The following UBE2E2 variants were observed in gnomAD, a reference collection of about 807,000 sequenced individuals.
UBE2E2 encodes the protein ubiquitin-conjugating enzyme E2 E2.
Under a neutral mutation model 24.7 loss-of-function variants are expected in UBE2E2, and 6 were observed. The observed-to-expected ratio is 0.24, with a 90% CI of 0.13 to 0.48. The LOEUF (loss-of-function observed/expected upper bound fraction) is 0.48. Among genes scored for constraint, UBE2E2 ranks in the 20% least tolerant of loss-of-function variants. The probability of loss-of-function intolerance (pLI) is 0.99; values close to 1 mark genes in which losing one functional copy is unlikely to be tolerated. For synonymous variants in UBE2E2, 104 were observed against 83.6 expected (o/e 1.24, Z -1.33); for missense variants, 169 against 245.0 (o/e 0.69, Z 2.07).
chr3:23,461,641 C>G (rs1410031799), intron 3 of UBE2E2, among the ~76,000 whole-genome samples: 2 of 151,658 alleles, frequency 1.3e-5, no homozygotes, highest in Non-Finnish European at 2.9e-5. Context: ...ATAAAATATC[C>G]TGAGTTGCAT....
At chr3:23,319,136 T>G (rs17012998) in intron 3 of UBE2E2, among the ~76,000 whole-genome samples, 4,386 of 152,326 alleles carry the variant, frequency 0.029, 111 homozygotes, top group East Asian at 0.13. Flanking sequence ...TAAGCCAAAT[T>G]TGTATTGTAG....
At chr3:23,410,448 C>T (rs1697469663) in intron 3 of UBE2E2, among the ~76,000 whole-genome samples, 1 of 152,118 alleles carries the variant, frequency 6.6e-6, no homozygotes, top group African/African-American at 2.4e-5. Flanking sequence ...TGAGAGAGAA[C>T]TTAGCTGTAA....
intron 5 of UBE2E2, among the ~76,000 whole-genome samples, chr3:23,568,957 G>A (rs1696157872): frequency 6.6e-6 from 1 of 151,666 alleles, no homozygotes; most frequent in Non-Finnish European, 1.5e-5. Flanking sequence ...AGAGTTATAA[G>A]ACCAAGCAAT....
chr3:23,351,437 G>A (rs1299201179), intron 3 of UBE2E2, among the ~76,000 whole-genome samples: 1 of 152,130 alleles, frequency 6.6e-6, no homozygotes, highest in Non-Finnish European at 1.5e-5. Context: ...AAGACAGACT[G>A]GCAAATTGGA....
intron 3 of UBE2E2, among the ~76,000 whole-genome samples, chr3:23,490,744 A>C (rs1699478103): frequency 6.6e-6 from 1 of 152,074 alleles, no homozygotes; most frequent in South Asian, 2.1e-4. Context: ...AGTAGTAGTT[A>C]TTTTTTCATT....
At chr3:23,550,047 A>G (rs1366625841) in intron 5 of UBE2E2, among the ~76,000 whole-genome samples, 22 of 151,822 alleles carry the variant, frequency 1.4e-4, no homozygotes, top group Non-Finnish European at 2.6e-4. Context: ...AAAAAAAAAA[A>G]GCAATTTCAT....
chr3:23,239,351 A>G (rs1009069713), intron 3 of UBE2E2, among the ~76,000 whole-genome samples: 5 of 152,204 alleles, frequency 3.3e-5, no homozygotes, highest in African/African-American at 9.6e-5. Flanking sequence ...TGTACTCACA[A>G]CGTTGTGCAA....
intron 5 of UBE2E2, among the ~76,000 whole-genome samples, chr3:23,539,575 T>C (rs1257942727): frequency 6.6e-6 from 1 of 152,230 alleles, no homozygotes; most frequent in Admixed American, 6.5e-5. Flanking sequence ...GTTTCCTTAC[T>C]TCTAACGCAG....
At chr3:23,497,848 A>G (rs924843999) in intron 3 of UBE2E2, among the ~76,000 whole-genome samples, 4 of 152,164 alleles carry the variant, frequency 2.6e-5, no homozygotes, top group Non-Finnish European at 4.4e-5. Flanking sequence ...TCAACTGTAT[A>G]TTCAACTTAA....
chr3:23,273,446 G>GTGTGAACCCAGGAGGTGGA (rs984101342), intron 3 of UBE2E2, among the ~76,000 whole-genome samples: 1 of 151,904 alleles, frequency 6.6e-6, no homozygotes, highest in African/African-American at 2.4e-5. Flanking sequence ...CAGGAGAATG[G>GTGTGAACCCAGGAGGTGGA]TGTGAACCCA....
At chr3:23,311,994 C>T (rs2125278123) in intron 3 of UBE2E2, among the ~76,000 whole-genome samples, 2 of 152,242 alleles carry the variant, frequency 1.3e-5, no homozygotes, top group East Asian at 3.9e-4. Flanking sequence ...GGAGTGGTTT[C>T]TCATGAATGG....
rs1694661811 is a variant in UBE2E2 at position 23,513,704 on chromosome 3, C to T, written c.360+13964C>T. ...GCACACCTGCCTCTTTTCCTACATC[C>T]TTATCAGTGCTGTGTGACATCAAAT... On this transcript the variant is annotated intron_variant, in intron 4 of 5. Coordinates refer to ENST00000396703, the MANE Select transcript of UBE2E2 (RefSeq NM_152653.4). Among the ~76,000 whole-genome samples the T allele has an allele frequency of 2.6e-5, 4 of 152,162 alleles. No individual in the cohort carries two copies. In the South Asian group the frequency reaches 8.3e-4, roughly 32 times the overall value.
intron 3 of UBE2E2, among the ~76,000 whole-genome samples, chr3:23,261,025 C>G (rs1290290223): frequency 6.6e-6 from 1 of 152,106 alleles, no homozygotes; most frequent in Non-Finnish European, 1.5e-5. Context: ...ATCTCTTGAG[C>G]CCAGGAGGCC....
intron 3 of UBE2E2, among the ~76,000 whole-genome samples, chr3:23,302,932 A>C (rs552406379): frequency 6.6e-6 from 1 of 152,302 alleles, no homozygotes; most frequent in Non-Finnish European, 1.5e-5. Flanking sequence ...ACAATGAAAC[A>C]CATAAACCAG....
At chr3:23,213,109 A>G (rs1696375225) in intron 2 of UBE2E2, among the ~76,000 whole-genome samples, 1 of 152,164 alleles carries the variant, frequency 6.6e-6, no homozygotes. Flanking sequence ...AAAGTTGTCT[A>G]GATGAGATGA....
chr3:23,234,117 G>A (rs1697037621), intron 3 of UBE2E2, among the ~76,000 whole-genome samples: 1 of 152,002 alleles, frequency 6.6e-6, no homozygotes, highest in Non-Finnish European at 1.5e-5. Context: ...TTACTTGGGT[G>A]TGGGTTGGTG....
intron 3 of UBE2E2, among the ~76,000 whole-genome samples, chr3:23,246,573 G>A (rs924443355): frequency 1.3e-5 from 2 of 151,574 alleles, no homozygotes; most frequent in African/African-American, 4.9e-5. Flanking sequence ...TGTAGAGATG[G>A]GGGCCTTTCC....
At chr3:23,496,004 C>G (rs1455867910) in intron 3 of UBE2E2, among the ~76,000 whole-genome samples, 8 of 152,252 alleles carry the variant, frequency 5.3e-5, no homozygotes, top group Admixed American at 3.9e-4. Context: ...TCCCATCTCC[C>G]CATTCCACCT....
At chr3:23,515,747 A>G (rs1307565768) in intron 4 of UBE2E2, among the ~76,000 whole-genome samples, 1 of 151,856 alleles carries the variant, frequency 6.6e-6, no homozygotes, top group Non-Finnish European at 1.5e-5. Flanking sequence ...GCTTGAGGCC[A>G]GAAGTTCACG....
Sources: gnomAD v4.1 joint callset for allele counts (sites outside exome capture counted in the v4.1 genomes callset) on GRCh38, gnomAD v4.1.1 for gene constraint, MANE v1.5 for transcripts, NCBI Gene and HGNC (gene_info 2026-07-23, HGNC 2026-07-21) for gene names.